COL4A6: variants seen among roughly 807,000 people sequenced by gnomAD.
COL4A6 encodes the protein collagen type IV alpha 6 chain.
A neutral mutation model predicts 126.7 loss-of-function variants in COL4A6; 59 were observed. The ratio of observed to expected loss-of-function variants is 0.47; its 90% CI spans 0.38 to 0.58. COL4A6 has a LOEUF of 0.58. Among genes scored for constraint, COL4A6 ranks in the 20% least tolerant of loss-of-function variants. COL4A6 has a pLI of 0.00. For synonymous variants in COL4A6, 547 were observed against 496.6 expected (o/e 1.10, Z -1.35); for missense variants, 1,285 against 1,337.3 (o/e 0.96, Z 0.61).
chrX:108,399,680 T>C (rs751177791), intron 2 of COL4A6, among the ~76,000 whole-genome samples: 4 of 111,746 alleles, frequency 3.6e-5, no homozygotes, highest in Non-Finnish European at 7.5e-5. Flanking sequence ...TTAATCACCA[T>C]TGAATAATCC....
At chrX:108,362,516 C>T (rs1261704498) in intron 2 of COL4A6, among the ~76,000 whole-genome samples, 2 of 111,437 alleles carry the variant, frequency 1.8e-5, no homozygotes, top group African/African-American at 3.3e-5. Flanking sequence ...TCTCAAGATC[C>T]ACCCAAGGGT....
chrX:108,272,627 G>A (rs1411371831), intron 3 of COL4A6, among the ~76,000 whole-genome samples: 2 of 110,425 alleles, frequency 1.8e-5, no homozygotes, highest in Non-Finnish European at 3.8e-5. Context: ...CAACAAAAGC[G>A]AGATAAGCAG....
chrX:108,394,395 G>A (rs191851100), intron 2 of COL4A6, among the ~76,000 whole-genome samples: 2 of 109,848 alleles, frequency 1.8e-5, no homozygotes, highest in Admixed American at 2.0e-4. Flanking sequence ...TGCACATTCT[G>A]CACATGTACC....
chrX:108,249,361 A>G (rs1294574104), intron 3 of COL4A6, among the ~76,000 whole-genome samples: 2 of 111,084 alleles, frequency 1.8e-5, no homozygotes, highest in Admixed American at 1.9e-4. Flanking sequence ...TGACTGGCAA[A>G]TGAGGAAACT....
intron 8 of COL4A6, chrX:108,206,820 T>G (rs777433852): frequency 4.2e-6 from 2 of 472,337 alleles, no homozygotes; most frequent in Non-Finnish European, 7.7e-6. Context: ...CAATGTGGAT[T>G]AATCTCAAAA....
chrX:108,397,780 C>T (rs2040998021), intron 2 of COL4A6, among the ~76,000 whole-genome samples: 1 of 111,796 alleles, frequency 8.9e-6, no homozygotes, highest in Non-Finnish European at 1.9e-5. Flanking sequence ...TAGGTCCTTG[C>T]TGTAGTGTTG....
intron 23 of COL4A6, among the ~76,000 whole-genome samples, chrX:108,186,705 A>C (rs1217641896): frequency 4.5e-5 from 5 of 111,236 alleles, no homozygotes; most frequent in Non-Finnish European, 9.4e-5. Flanking sequence ...TTCCCAGCTG[A>C]TGATATTACC....
At chrX:108,264,180 C>G (rs149837155) in intron 3 of COL4A6, among the ~76,000 whole-genome samples, 1 of 111,225 alleles carries the variant, frequency 9.0e-6, no homozygotes, top group East Asian at 2.9e-4. Flanking sequence ...GATCTATCAT[C>G]TAGCTACCTC....
rs144029395 is a variant in COL4A6, at chrX:108,409,319, T to A, written c.63+28623A>T. Among the ~76,000 whole-genome samples the A allele has an allele frequency of 5.3e-4, 59 of 112,174 alleles. No homozygotes were observed. In the East Asian group the frequency reaches 0.015, roughly 28 times the overall value. The stretch of plus-strand genomic sequence containing the variant: ...GCCAATAGAGGTTCCCAGAGACCTT[T>A]CATAAAGGCCACAAAGATAGGAAGT... On this transcript the variant is annotated intron_variant, in intron 2 of 44. Coordinates refer to ENST00000334504, the MANE Select transcript of COL4A6 (RefSeq NM_033641.4).
intron 27 of COL4A6, 95 bp downstream of exon 27, chrX:108,178,589 C>T (rs2034573290): frequency 1.1e-6 from 1 of 891,341 alleles, no homozygotes; most frequent in African/African-American, 2.0e-5. Flanking sequence ...TAAATTCTGA[C>T]CATGTCCCAC....
intron 13 of COL4A6, among the ~76,000 whole-genome samples, chrX:108,199,385 C>T (rs906933911): frequency 9.0e-6 from 1 of 110,563 alleles, no homozygotes; most frequent in Non-Finnish European, 1.9e-5. Context: ...TATAAAGTAC[C>T]TACGAATGTT....
At chrX:108,305,754 C>T (rs1210221720) in intron 3 of COL4A6, among the ~76,000 whole-genome samples, 1 of 111,640 alleles carries the variant, frequency 9.0e-6, no homozygotes, top group Admixed American at 9.5e-5. Context: ...AAGCATGACT[C>T]CCAGTTTTCT....
intron 3 of COL4A6, among the ~76,000 whole-genome samples, chrX:108,242,997 C>T (rs2036615493): frequency 9.0e-6 from 1 of 111,566 alleles, no homozygotes; most frequent in African/African-American, 3.3e-5. Flanking sequence ...TAGATACTCT[C>T]AATCAGTTCT....
chrX:108,384,085 A>C, intron 2 of COL4A6: 1 of 320,873 alleles, frequency 3.1e-6, no homozygotes, highest in Non-Finnish European at 5.5e-6. Context: ...CCACCTACCC[A>C]CCTACTCATC....
At chrX:108,343,803 CAA>C (rs58583772) in intron 2 of COL4A6, among the ~76,000 whole-genome samples, 119 of 36,889 alleles carry the variant, frequency 3.2e-3, no homozygotes, top group African/African-American at 6.5e-3. Context: ...GGCAAAAAGC[CAA>C]AAAAAAAAAA....
chrX:108,303,963 A>G (rs965253427), intron 3 of COL4A6, among the ~76,000 whole-genome samples: 1 of 112,067 alleles, frequency 8.9e-6, no homozygotes, highest in Non-Finnish European at 1.9e-5. Context: ...CCATCAGGGT[A>G]CAGTAATGTG....
chrX:108,271,325 T>C (rs5973854), intron 3 of COL4A6, among the ~76,000 whole-genome samples: 29,069 of 111,086 alleles, frequency 0.26, 3,179 homozygotes, highest in East Asian at 0.61. Context: ...GGGACAGTGG[T>C]ACTTAAAAAT....
intron 14 of COL4A6, 136 bp downstream of exon 14, chrX:108,196,375 A>G (rs1254538463): frequency 3.7e-6 from 2 of 538,563 alleles, no homozygotes; most frequent in African/African-American, 4.7e-5. Flanking sequence ...AGGAGGTCTT[A>G]GGAACCTGCC....
Position 108,170,023 on chromosome X carries a change from G to A in COL4A6, c.3494-7C>T. 2.0e-5 allele frequency: 24 copies of A among 1,176,257 alleles called. No individual in the cohort carries two copies. Among genetic ancestry groups the A allele is most frequent in the Non-Finnish European group, 2.5e-5 (22 of 874,683 alleles). On this transcript the variant is annotated splice_polypyrimidine_tract_variant and splice_region_variant and intron_variant, in intron 35 of 44. Coordinates refer to ENST00000334504, the MANE Select transcript of COL4A6 (RefSeq NM_033641.4). ...CCAGGAAATCCAGGGAAGCCTGAGGGGAGAGAATGTCAAAAATGGCTCCAG... is the reference window on the plus strand; with the variant it reads ...CCAGGAAATCCAGGGAAGCCTGAGGAGAGAGAATGTCAAAAATGGCTCCAG...
Sources: allele counts gnomAD v4.1 joint callset (sites outside exome capture counted in the v4.1 genomes callset), GRCh38; gene constraint gnomAD v4.1.1; transcripts MANE v1.5; gene names NCBI Gene and HGNC (gene_info 2026-07-23, HGNC 2026-07-21).